Variants in HDAC9 observed in about 807,000 individuals in gnomAD.
HDAC9 encodes MEF-2 interacting transcription repressor (MITR) protein.
In HDAC9, 41 loss-of-function variants were observed where a neutral mutation model predicts 139.4. That is an observed-to-expected ratio of 0.29 (90% CI 0.23 to 0.38). The LOEUF (loss-of-function observed/expected upper bound fraction) is 0.38, where lower values mean the gene tolerates loss of function less well. HDAC9 is among the 10% of genes least tolerant of loss of function. The pLI is 1.00. For missense variants in HDAC9, 1,147 were observed against 1,297.0 expected (o/e 0.88, Z 1.78); for synonymous variants, 517 against 476.2 (o/e 1.09, Z -1.12).
At position 18,342,881 on chromosome 7, in the gene HDAC9, T is replaced by C. The variant is rs1161900407; in HGVS notation, c.-42+52366T>C. ...CAAGCAAAGAGTGAAGTGGATCTACTGAATGAGAGAGAAGAATCATACATC... is the reference window on the plus strand; with the variant it reads ...CAAGCAAAGAGTGAAGTGGATCTACCGAATGAGAGAGAAGAATCATACATC... On this transcript the variant is annotated intron_variant, in intron 1 of 3. Transcript: ENST00000413509. Among the ~76,000 whole-genome samples, 39 of 151,884 alleles carry C rather than the reference T, an allele frequency of 2.6e-4. 1 individual carries two copies. In the Admixed American group the frequency reaches 2.6e-3, roughly 10 times the overall value.
At chr7:18,332,730 AATT>A in intron 1 of HDAC9, among the ~76,000 whole-genome samples, 2 of 151,710 alleles carry the variant, frequency 1.3e-5, no homozygotes, top group African/African-American at 4.8e-5. Context: ...ACTACATCTC[AATT>A]TGGCCTATCT....
chr7:18,580,019 C>A (rs1176300606), intron 2 of HDAC9, among the ~76,000 whole-genome samples: 5 of 152,098 alleles, frequency 3.3e-5, no homozygotes, highest in Admixed American at 6.6e-5. Context: ...TATGAAAATT[C>A]TGTTTGTTAT....
At chr7:18,686,477 G>C (rs1260110568) in intron 12 of HDAC9, among the ~76,000 whole-genome samples, 1 of 151,840 alleles carries the variant, frequency 6.6e-6, no homozygotes, top group African/African-American at 2.4e-5. Context: ...CTTACATCTT[G>C]TGGTCATGGC....
intron 1 of HDAC9, among the ~76,000 whole-genome samples, chr7:18,293,204 A>G (rs1169379374): frequency 6.6e-6 from 1 of 152,190 alleles, no homozygotes; most frequent in East Asian, 1.9e-4. Context: ...ATTTGAAATC[A>G]TATGATCTTT....
At chr7:18,949,196 T>C (rs1782614047) in intron 23 of HDAC9, 3 of 221,104 alleles carry the variant, frequency 1.4e-5, no homozygotes, top group South Asian at 1.2e-4. Context: ...GAGTATCTTA[T>C]ATAGATTTCT....
chr7:18,690,570 C>T (rs1187197211), intron 12 of HDAC9, among the ~76,000 whole-genome samples: 2 of 151,850 alleles, frequency 1.3e-5, no homozygotes, highest in Non-Finnish European at 2.9e-5. Context: ...ATTCTTTCTG[C>T]TGTTCTGAAA....
At chr7:18,916,484 A>G (rs1054338521) in intron 22 of HDAC9, among the ~76,000 whole-genome samples, 2 of 152,034 alleles carry the variant, frequency 1.3e-5, no homozygotes, top group African/African-American at 4.8e-5. Context: ...CTAATGAGAT[A>G]GAGATAGAAG....
intron 1 of HDAC9, among the ~76,000 whole-genome samples, chr7:18,484,966 G>A (rs1438382092): frequency 2.0e-4 from 31 of 152,006 alleles, no homozygotes; most frequent in Admixed American, 2.0e-3. Context: ...AAGTACCATT[G>A]AGAATTTCCT....
intron 22 of HDAC9, among the ~76,000 whole-genome samples, chr7:18,874,944 C>A (rs1341931078): frequency 3.3e-5 from 5 of 152,012 alleles, no homozygotes; most frequent in African/African-American, 1.2e-4. Flanking sequence ...CTGTGCTTTT[C>A]CAGGGAGAAT....
chr7:18,692,082 C>T (rs1371038698), intron 12 of HDAC9, among the ~76,000 whole-genome samples: 1 of 152,094 alleles, frequency 6.6e-6, no homozygotes, highest in Non-Finnish European at 1.5e-5. Flanking sequence ...GAAAAGACAG[C>T]ATATTTCAGC....
intron 2 of HDAC9, among the ~76,000 whole-genome samples, chr7:18,538,382 A>G (rs1009501657): frequency 2.0e-5 from 3 of 152,220 alleles, no homozygotes; most frequent in Admixed American, 6.5e-5. Context: ...TGAGTTGCAT[A>G]CTTAGAAACC....
intron 12 of HDAC9, among the ~76,000 whole-genome samples, chr7:18,694,843 C>A (rs1005584269): frequency 2.0e-5 from 3 of 152,018 alleles, no homozygotes; most frequent in Non-Finnish European, 4.4e-5. Context: ...GGGACAATAT[C>A]CTTGGGAGAA....
chr7:18,431,822 AT>A (rs1562980266), intron 1 of HDAC9, among the ~76,000 whole-genome samples: 1 of 152,206 alleles, frequency 6.6e-6, no homozygotes, highest in Admixed American at 6.5e-5. Flanking sequence ...TTTTTTGTCT[AT>A]TGTAAGAAAA....
chr7:18,754,278 T>C (rs1268574638), intron 14 of HDAC9, among the ~76,000 whole-genome samples: 3 of 152,060 alleles, frequency 2.0e-5, no homozygotes, highest in Non-Finnish European at 2.9e-5. Context: ...TTATTTGGTG[T>C]CCTCTTCAGA....
intron 12 of HDAC9, among the ~76,000 whole-genome samples, chr7:18,676,181 T>G (rs1311369320): frequency 6.6e-6 from 1 of 152,028 alleles, no homozygotes; most frequent in Non-Finnish European, 1.5e-5. Flanking sequence ...TCTTGTCATA[T>G]TTGCACTGGA....
intron 1 of HDAC9, among the ~76,000 whole-genome samples, chr7:18,119,806 T>C (rs1784251106): frequency 6.6e-6 from 1 of 152,202 alleles, no homozygotes; most frequent in Admixed American, 6.5e-5. Context: ...GCCCATAACT[T>C]TCTCCGTGAG....
chr7:18,682,071 A>G (rs1159495925), intron 12 of HDAC9, among the ~76,000 whole-genome samples: 1 of 152,034 alleles, frequency 6.6e-6, no homozygotes, highest in Non-Finnish European at 1.5e-5. Flanking sequence ...AAAACCTAAA[A>G]ATTTAAATTC....
chr7:18,950,930 C>T (rs892307189), intron 23 of HDAC9, among the ~76,000 whole-genome samples: 2 of 152,014 alleles, frequency 1.3e-5, no homozygotes, highest in Non-Finnish European at 2.9e-5. Flanking sequence ...TTGATGTATA[C>T]ATCCATCCTC....
intron 6 of HDAC9, among the ~76,000 whole-genome samples, chr7:18,618,262 G>T (rs540415717): frequency 6.6e-6 from 1 of 152,046 alleles, no homozygotes; most frequent in African/African-American, 2.4e-5. Flanking sequence ...GTCCACATTT[G>T]CAGGCAAGAA....
Sources: gnomAD v4.1 joint callset for allele counts (sites outside exome capture counted in the v4.1 genomes callset) on GRCh38, gnomAD v4.1.1 for gene constraint, MANE v1.5 for transcripts, NCBI Gene and HGNC (gene_info 2026-07-23, HGNC 2026-07-21) for gene names.